Variants in PHACTR1 observed in about 807,000 individuals in gnomAD.
PHACTR1 encodes the protein RPEL repeat containing 1.
In PHACTR1, 16 loss-of-function variants were observed where a neutral mutation model predicts 69.2. That is an observed-to-expected ratio of 0.23 (90% confidence interval 0.16 to 0.35). The LOEUF is 0.35. Ranked by LOEUF, PHACTR1 falls within the 10% of genes least tolerant of loss-of-function variation. PHACTR1 has a pLI of 1.00. For missense variants in PHACTR1, 510 were observed against 734.7 expected (o/e 0.69, Z 3.54); for synonymous variants, 312 against 284.5 (o/e 1.10, Z -0.97).
intron 4 of PHACTR1, among the ~76,000 whole-genome samples, chr6:13,052,892 A>C (rs980078435): frequency 6.6e-6 from 1 of 152,200 alleles, no homozygotes; most frequent in African/African-American, 2.4e-5. Flanking sequence ...TAGGAAGTAG[A>C]CAGCAGTGGG....
intron 4 of PHACTR1, among the ~76,000 whole-genome samples, chr6:12,834,079 A>G (rs1290683438): frequency 6.6e-6 from 1 of 152,164 alleles, no homozygotes; most frequent in East Asian, 1.9e-4. Context: ...TAGTTCTGCA[A>G]TAGCACTTAT....
intron 4 of PHACTR1, among the ~76,000 whole-genome samples, chr6:12,758,559 A>T (rs1767645716): frequency 1.3e-5 from 2 of 151,750 alleles, no homozygotes. Context: ...TCAGATTGAC[A>T]TCATTATTAT....
intron 8 of PHACTR1, among the ~76,000 whole-genome samples, chr6:13,212,562 T>A (rs1767018272): frequency 6.6e-6 from 1 of 152,194 alleles, no homozygotes; most frequent in African/African-American, 2.4e-5. Flanking sequence ...CCTTGTCTCC[T>A]CATCTGCTAT....
intron 4 of PHACTR1, among the ~76,000 whole-genome samples, chr6:13,035,819 G>A (rs1211081097): frequency 1.3e-5 from 2 of 152,098 alleles, no homozygotes. Flanking sequence ...GGGAGGAAAG[G>A]TCACATTCAA....
At chr6:12,761,957 C>T (rs1248630685) in intron 4 of PHACTR1, among the ~76,000 whole-genome samples, 1 of 152,228 alleles carries the variant, frequency 6.6e-6, no homozygotes, top group Non-Finnish European at 1.5e-5. Flanking sequence ...TTCTTCCAGA[C>T]CTCGCGCCAC....
chr6:13,206,719 G>A (rs148068958), intron 8 of PHACTR1, among the ~76,000 whole-genome samples: 11 of 152,242 alleles, frequency 7.2e-5, no homozygotes, highest in Non-Finnish European at 1.5e-4. Flanking sequence ...GCAAGATCTG[G>A]CCCTGGTCAG....
intron 4 of PHACTR1, among the ~76,000 whole-genome samples, chr6:12,803,404 G>C (rs912128056): frequency 1.3e-5 from 2 of 152,024 alleles, no homozygotes; most frequent in African/African-American, 4.8e-5. Context: ...GACATATTAG[G>C]GAAGGTGAGG....
intron 6 of PHACTR1, among the ~76,000 whole-genome samples, chr6:13,173,958 C>T (rs761036443): frequency 2.6e-5 from 4 of 152,190 alleles, no homozygotes; most frequent in Non-Finnish European, 4.4e-5. Context: ...TCACCTGCCT[C>T]GGCCTCCTAA....
At chr6:13,013,403 C>CTTGCACCCG (rs1477197558) in intron 4 of PHACTR1, among the ~76,000 whole-genome samples, 2 of 152,206 alleles carry the variant, frequency 1.3e-5, no homozygotes, top group African/African-American at 4.8e-5. Context: ...TGGAGGGGAG[C>CTTGCACCCG]TTGCACCCGA....
intron 5 of PHACTR1, among the ~76,000 whole-genome samples, chr6:13,098,132 G>A (rs935652891): frequency 2.0e-5 from 3 of 152,030 alleles, no homozygotes; most frequent in African/African-American, 7.3e-5. Flanking sequence ...GTTTTCCTCT[G>A]GCTACTAGTA....
At chr6:12,894,024 T>C (rs1477249158) in intron 4 of PHACTR1, among the ~76,000 whole-genome samples, 1 of 152,236 alleles carries the variant, frequency 6.6e-6, no homozygotes, top group African/African-American at 2.4e-5. Flanking sequence ...ACCCACTGGC[T>C]GACTGTGGGA....
At chr6:13,001,714 G>A (rs1471273636) in intron 4 of PHACTR1, among the ~76,000 whole-genome samples, 4 of 152,220 alleles carry the variant, frequency 2.6e-5, no homozygotes, top group African/African-American at 7.2e-5. Flanking sequence ...CTTTGGGGAA[G>A]CACTGTCTTG....
chr6:13,228,796 G>A (rs1770255547), intron 9 of PHACTR1, among the ~76,000 whole-genome samples: 1 of 152,210 alleles, frequency 6.6e-6, no homozygotes, highest in African/African-American at 2.4e-5. Context: ...GAGAGACAAG[G>A]CGCTGGCCCA....
At chr6:13,254,704 A>C (rs57728205) in intron 10 of PHACTR1, among the ~76,000 whole-genome samples, 8,506 of 152,296 alleles carry the variant, frequency 0.056, 429 homozygotes, top group African/African-American at 0.13. Context: ...GGCAGGCTTC[A>C]GAATCCTTCT....
intron 10 of PHACTR1, among the ~76,000 whole-genome samples, chr6:13,271,956 G>A (rs2127447512): frequency 6.6e-6 from 1 of 152,304 alleles, no homozygotes; most frequent in Non-Finnish European, 1.5e-5. Context: ...AGGAGTCTGA[G>A]AAGCCTAAAA....
At chr6:12,730,742 C>T (rs533374559) in intron 3 of PHACTR1, among the ~76,000 whole-genome samples, 17 of 152,290 alleles carry the variant, frequency 1.1e-4, no homozygotes, top group Admixed American at 4.6e-4. Flanking sequence ...TCCTGACCCT[C>T]TCCCTCCTCC....
At chr6:12,876,976 A>C (rs1782582674) in intron 4 of PHACTR1, among the ~76,000 whole-genome samples, 1 of 152,206 alleles carries the variant, frequency 6.6e-6, no homozygotes, top group South Asian at 2.1e-4. Flanking sequence ...GGAAATAAAG[A>C]GGGGATGCAA....
At chr6:12,948,467 C>T (rs991878719) in intron 4 of PHACTR1, among the ~76,000 whole-genome samples, 4 of 152,160 alleles carry the variant, frequency 2.6e-5, no homozygotes, top group Admixed American at 1.3e-4. Context: ...CAGATGATAA[C>T]AGTAAACTAT....
In PHACTR1 at chr6:12,749,709, C is replaced by T; in HGVS notation, c.169C>T (p.Arg57Trp). The T allele has an allele frequency of 1.2e-6, 2 of 1,612,368 alleles. No homozygotes were observed. Among genetic ancestry groups the T allele is most frequent in the Non-Finnish European group, 1.7e-6 (2 of 1,179,626 alleles). Reference protein sequence around the residue: ...MAASSEDDIDRRPIRRVRSKS... With the variant: ...MAASSEDDIDWRPIRRVRSKS... ...GGCATCCTCGGAGGATGATATAGAC[C>T]GGCGGCCCATCCGGAGAGTGCGCTC... Residue 57 changes from arginine (R) to tryptophan (W), a missense_variant, in exon 4 of 15, where the codon CGG (arginine) becomes TGG (tryptophan). Physicochemically the swap from Arg to Trp is moderately radical, Grantham distance 101. This residue lies in a region of PHACTR1 where 419 missense variants were observed against 530.9 expected (regional missense o/e 0.79). Coordinates refer to ENST00000332995, the MANE Select transcript of PHACTR1 (RefSeq NM_030948.6).
Sources: gnomAD v4.1 joint callset for allele counts (sites outside exome capture counted in the v4.1 genomes callset) on GRCh38, gnomAD v4.1.1 for gene constraint, gnomAD v4.1.1 regional missense constraint, MANE v1.5 for transcripts, NCBI Gene and HGNC (gene_info 2026-07-23, HGNC 2026-07-21) for gene names.